GRM7: variants seen among roughly 807,000 people sequenced by gnomAD.
The protein encoded by GRM7 is metabotropic glutamate receptor 7.
Under a neutral mutation model 84.5 loss-of-function variants are expected in GRM7, and 35 were observed. That is an observed-to-expected ratio of 0.41 (90% CI 0.32 to 0.55). GRM7 has a LOEUF of 0.55. Ranked by LOEUF, GRM7 falls within the 20% of genes least tolerant of loss-of-function variation. The probability of loss-of-function intolerance (pLI) is 0.19; values close to 1 mark genes in which losing one functional copy is unlikely to be tolerated. For missense variants in GRM7, 1,003 were observed against 1,194.6 expected (o/e 0.84, Z 2.36); for synonymous variants, 487 against 455.1 (o/e 1.07, Z -0.89).
In GRM7 at chr3:7,058,518, A is replaced by G. The variant is rs541112878; in HGVS notation, c.520-87934A>G. 5.3e-5 allele frequency among the ~76,000 whole-genome samples: 8 copies of G among 152,000 alleles called. No homozygotes were observed. In the South Asian group the frequency reaches 1.7e-3, roughly 31 times the overall value. On this transcript the variant is annotated intron_variant, in intron 1 of 9. Coordinates refer to ENST00000357716, the MANE Select transcript of GRM7 (RefSeq NM_000844.4). ...TGGCAATATTGTCATTCATCTGGTT[A>G]GAGTTTATGTTCATTAATATATTAA...
chr3:7,089,145 GTTTAT>G (rs1466658100), intron 1 of GRM7, among the ~76,000 whole-genome samples: 2 of 152,132 alleles, frequency 1.3e-5, no homozygotes, highest in Admixed American at 6.5e-5. Context: ...ATTGGGTAGA[GTTTAT>G]TTTATTTCAA....
chr3:7,739,200 G>C (rs1702608060), intron 9 of GRM7, among the ~76,000 whole-genome samples: 1 of 152,192 alleles, frequency 6.6e-6, no homozygotes, highest in Non-Finnish European at 1.5e-5. Flanking sequence ...TTGTTGTATA[G>C]TGTACAGTAC....
At position 7,611,605 on chromosome 3, in the gene GRM7, A is replaced by G. The variant is rs80076159; in HGVS notation, c.2451+32248A>G. ...TTGTGATGTTGAGGTCAAGCTTCCC[A>G]AGAACTGGATAAGGAAACTGGAGCC... On this transcript the variant is annotated intron_variant, in intron 8 of 9. Transcript: ENST00000357716. 1.5e-3 allele frequency among the ~76,000 whole-genome samples: 226 copies of G among 152,264 alleles called. 1 individual carries two copies. In the East Asian group the frequency reaches 0.025, roughly 17 times the overall value.
intron 3 of GRM7, among the ~76,000 whole-genome samples, chr3:7,304,308 CTTT>C (rs34986687): frequency 1.9e-4 from 19 of 98,032 alleles, no homozygotes; most frequent in East Asian, 6.0e-4. Context: ...ATCATCCATC[CTTT>C]TTTTTTTTTT....
At chr3:7,327,822 C>G (rs1215998376) in intron 4 of GRM7, among the ~76,000 whole-genome samples, 1 of 152,206 alleles carries the variant, frequency 6.6e-6, no homozygotes. Flanking sequence ...TCAAAGCTGA[C>G]CTTAAACTCA....
chr3:6,872,832 A>C (rs575389708), intron 1 of GRM7, among the ~76,000 whole-genome samples: 1 of 152,258 alleles, frequency 6.6e-6, no homozygotes, highest in South Asian at 2.1e-4. Context: ...CATAGTGTAT[A>C]TGTGCCACAT....
rs148996823 is a variant in GRM7, at chr3:6,954,953, A to G, written c.519+93046A>G. ...TTAACTGCTGAGGCTCAGTATTCTC[A>G]CCAATAAAGTGGGGTTAATAATATT... On this transcript the variant is annotated intron_variant, in intron 1 of 9. Transcript: ENST00000357716. 9.9e-3 allele frequency among the ~76,000 whole-genome samples: 1,515 copies of G among 152,308 alleles called. 16 individuals are homozygous for G. Among genetic ancestry groups the G allele is most frequent in the African/African-American group, 0.035 (1,443 of 41,550 alleles).
intron 4 of GRM7, among the ~76,000 whole-genome samples, chr3:7,343,021 A>G (rs1692714394): frequency 6.6e-6 from 1 of 152,152 alleles, no homozygotes. Flanking sequence ...TCACCCAAAA[A>G]TGTTTACTAA....
At chr3:7,315,331 C>G (rs1462207992) in intron 4 of GRM7, among the ~76,000 whole-genome samples, 6 of 152,188 alleles carry the variant, frequency 3.9e-5, no homozygotes, top group African/African-American at 1.4e-4. Flanking sequence ...TCTAAATTCT[C>G]TATTTTACAT....
rs36040422 is a variant in GRM7 at position 7,656,547 on chromosome 3, G to GCACACACACACA, written c.2452-23483_2452-23472dup. On this transcript the variant is annotated intron_variant, in intron 8 of 9. Transcript: ENST00000357716. ...AATATATATATATATATACGCGCGCGCACACACACACACACACACACACAC... is the reference window on the plus strand; with the variant it reads ...AATATATATATATATATACGCGCGCGCACACACACACACACACACACACACACACACACACAC... Among the ~76,000 whole-genome samples the GCACACACACACA allele has an allele frequency of 9.9e-4, 138 of 139,254 alleles. 3 individuals carry two copies. In the East Asian group the frequency reaches 0.01, roughly 10 times the overall value. The allele number at this position is 139,254 out of a possible 152,430, so 91.4% of individuals were successfully genotyped here.
intron 1 of GRM7, among the ~76,000 whole-genome samples, chr3:7,053,622 A>T (rs1364983106): frequency 6.6e-6 from 1 of 151,580 alleles, no homozygotes; most frequent in African/African-American, 2.4e-5. Context: ...ATCATTTGTT[A>T]AAAATGTTAT....
chr3:7,204,203 A>G (rs1696158407), intron 2 of GRM7, among the ~76,000 whole-genome samples: 1 of 152,170 alleles, frequency 6.6e-6, no homozygotes, highest in Non-Finnish European at 1.5e-5. Context: ...GTGGCAGCCT[A>G]ATTGTCAGAC....
At chr3:7,727,155 C>A (rs1033574326) in intron 9 of GRM7, among the ~76,000 whole-genome samples, 1 of 152,094 alleles carries the variant, frequency 6.6e-6, no homozygotes, top group Non-Finnish European at 1.5e-5. Flanking sequence ...GCTCCATAAT[C>A]TTAATCATCA....
chr3:7,193,193 G>C (rs1695772441), intron 2 of GRM7, among the ~76,000 whole-genome samples: 1 of 152,060 alleles, frequency 6.6e-6, no homozygotes, highest in Admixed American at 6.6e-5. Context: ...AGGGATAAAT[G>C]GGTTGGTGCA....
chr3:7,569,704 C>T (rs553665085), intron 7 of GRM7, among the ~76,000 whole-genome samples: 1 of 152,094 alleles, frequency 6.6e-6, no homozygotes, highest in African/African-American at 2.4e-5. Flanking sequence ...ACTCCTGAAG[C>T]CAGCGAGACC....
At chr3:6,976,336 T>C (rs973268756) in intron 1 of GRM7, among the ~76,000 whole-genome samples, 4 of 152,142 alleles carry the variant, frequency 2.6e-5, no homozygotes, top group Admixed American at 2.6e-4. Context: ...CCAGTTCACT[T>C]AGAATATTTT....
intron 9 of GRM7, among the ~76,000 whole-genome samples, chr3:7,701,942 C>T (rs1020188728): frequency 7.9e-5 from 12 of 152,120 alleles, no homozygotes; most frequent in East Asian, 5.8e-4. Flanking sequence ...ATTTTTTACA[C>T]TATCATATAA....
intron 2 of GRM7, among the ~76,000 whole-genome samples, chr3:7,202,837 T>C (rs780961819): frequency 6.6e-6 from 1 of 152,226 alleles, no homozygotes; most frequent in Non-Finnish European, 1.5e-5. Flanking sequence ...ACCTCTACTT[T>C]CACAATCTGG....
rs1697874407 is a variant in GRM7 at position 7,453,666 on chromosome 3, C to A, written c.1375+859C>A. ...CTGCACAAAGATGAGTTCTTGCTCA[C>A]TTTCCTGTCAGCCTCCATGTGTTCA... On this transcript the variant is annotated intron_variant, in intron 6 of 9. Coordinates refer to ENST00000357716, the MANE Select transcript of GRM7 (RefSeq NM_000844.4). 1.3e-5 allele frequency among the ~76,000 whole-genome samples: 2 copies of A among 152,254 alleles called. 1 individual carries two copies. Among genetic ancestry groups the A allele is most frequent in the South Asian group, 4.1e-4 (2 of 4,824 alleles).
Sources: allele counts gnomAD v4.1 joint callset (sites outside exome capture counted in the v4.1 genomes callset), GRCh38; gene constraint gnomAD v4.1.1; transcripts MANE v1.5; gene names NCBI Gene and HGNC (gene_info 2026-07-23, HGNC 2026-07-21).